Variants in PDE1C observed in about 807,000 individuals in gnomAD.
PDE1C encodes the protein dual specificity calcium/calmodulin-dependent 3',5'-cyclic nucleotide phosphodiesterase 1C.
PDE1C carries 62 observed loss-of-function variants against 93.1 expected under a neutral mutation model. The ratio of observed to expected loss-of-function variants is 0.67; its 90% CI spans 0.54 to 0.82. PDE1C has a LOEUF of 0.82. Ranked by LOEUF, PDE1C falls within the 40% of genes least tolerant of loss-of-function variation. The pLI is 0.00. For missense variants in PDE1C, 742 were observed against 884.6 expected, an observed-to-expected ratio of 0.84 and a Z score of 2.04; for synonymous variants, 325 against 310.1, an observed-to-expected ratio of 1.05 and a Z score of -0.50.
the PDE1C span, among the ~76,000 whole-genome samples, chr7:31,694,463 A>T: frequency 6.6e-6 from 1 of 151,776 alleles, no homozygotes; most frequent in Non-Finnish European, 1.5e-5. Flanking sequence ...AGAGAATATT[A>T]GTTTCTAGAA....
intron 2 of PDE1C, among the ~76,000 whole-genome samples, chr7:31,888,640 A>C (rs10238115): frequency 0.24 from 31,604 of 133,174 alleles, 4,787 homozygotes; most frequent in African/African-American, 0.47. Context: ...TCCATAAAAT[A>C]TTAATTTATC....
chr7:32,340,487 C>A lies in PDE1C; in HGVS notation c.310+87335G>T, dbSNP rs576277019. Among the ~76,000 whole-genome samples, 4 of 152,156 alleles carry A rather than the reference C, an allele frequency of 2.6e-5. No homozygotes were observed. The East Asian group carries it at 7.8e-4, about 29-fold the overall frequency. Reference sequence around the variant, plus strand: ...TGGGGTAGATAAAGGTGGAGTGGAACGCACAGCTATTTTTGTGAAGACTTT... The same window carrying A: ...TGGGGTAGATAAAGGTGGAGTGGAAAGCACAGCTATTTTTGTGAAGACTTT... On this transcript the variant is annotated intron_variant, in intron 1 of 1. Transcript: ENST00000672256.
rs566255203 is a variant in PDE1C, at chr7:32,137,253, C to T, written c.308+32532G>A. 2.0e-4 allele frequency among the ~76,000 whole-genome samples: 31 copies of T among 152,330 alleles called. No homozygotes were observed. The South Asian group carries it at 6.0e-3, about 30-fold the overall frequency. On this transcript the variant is annotated intron_variant, in intron 3 of 18. Transcript: ENST00000396193. Reference sequence around the variant, plus strand: ...ATGCATAGCAATCAATCACAGCAATCTAAAAATAGACCAAGATACACCCCA... The same window carrying T: ...ATGCATAGCAATCAATCACAGCAATTTAAAAATAGACCAAGATACACCCCA...
At chr7:32,046,179 G>A (rs1792529077) in intron 2 of PDE1C, among the ~76,000 whole-genome samples, 1 of 150,306 alleles carries the variant, frequency 6.7e-6, no homozygotes, top group African/African-American at 2.5e-5. Context: ...TCTTCCTAAT[G>A]TCTAGAATAT....
At chr7:32,402,967 G>A (rs559613340) in intron 1 of PDE1C, among the ~76,000 whole-genome samples, 2 of 152,298 alleles carry the variant, frequency 1.3e-5, no homozygotes, top group Admixed American at 6.5e-5. Context: ...GTGTTAGTGT[G>A]TGCCCTGCCT....
intron 2 of PDE1C, among the ~76,000 whole-genome samples, chr7:31,965,384 G>T (rs1336950573): frequency 6.6e-6 from 1 of 152,220 alleles, no homozygotes; most frequent in Admixed American, 6.5e-5. Context: ...TGAATGAAAT[G>T]TAGTGAGAAG....
chr7:32,326,192 C>T (rs1367167942), intron 1 of PDE1C, among the ~76,000 whole-genome samples: 1 of 152,172 alleles, frequency 6.6e-6, no homozygotes, highest in South Asian at 2.1e-4. Context: ...TTTGTACATG[C>T]TAAGGTCAAG....
At chr7:31,643,783 T>G in the PDE1C span, 1 of 1,613,980 alleles carries the variant, frequency 6.2e-7, no homozygotes, top group Non-Finnish European at 8.5e-7. Flanking sequence ...ACCTGCCCAC[T>G]GCTGCATCTG....
chr7:31,724,884 G>T, the PDE1C span, among the ~76,000 whole-genome samples: 107 of 152,278 alleles, frequency 7.0e-4, 1 homozygote, highest in African/African-American at 2.2e-3. Flanking sequence ...TTATATCGGT[G>T]AATTAGCACT....
intron 1 of PDE1C, among the ~76,000 whole-genome samples, chr7:32,285,111 G>A (rs1016355170): frequency 2.0e-5 from 3 of 152,022 alleles, no homozygotes; most frequent in Non-Finnish European, 2.9e-5. Context: ...TGGAATCTTC[G>A]GAGCATGGAG....
Position 31,951,900 on chromosome 7 carries a change from C to A in PDE1C, c.129-71040G>T, listed in dbSNP as rs989415730. Among the ~76,000 whole-genome samples, 14 of 152,128 alleles carry A rather than the reference C, an allele frequency of 9.2e-5. 1 individual carries two copies. Among genetic ancestry groups the A allele is most frequent in the Admixed American group, 2.6e-4 (4 of 15,270 alleles). ...CCCTTCCCTCTTCCACAAGGAGATA[C>A]CAGCTTACAGTTCCACTTGCCCCAC... is the stretch of plus-strand genomic sequence containing the variant. On this transcript the variant is annotated intron_variant, in intron 2 of 17. Coordinates refer to ENST00000396191, the MANE Select transcript of PDE1C (RefSeq NM_001191057.4).
chr7:31,947,269 G>C (rs1563080440), intron 2 of PDE1C, among the ~76,000 whole-genome samples: 2 of 152,296 alleles, frequency 1.3e-5, no homozygotes. Context: ...AGCTTGGAGA[G>C]TAATCCACTT....
intron 1 of PDE1C, among the ~76,000 whole-genome samples, chr7:32,369,672 G>A (rs1036622932): frequency 1.3e-5 from 2 of 152,178 alleles, no homozygotes; most frequent in African/African-American, 4.8e-5. Context: ...GTATATCAAA[G>A]AGACTTCTGT....
chr7:32,176,261 A>G (rs1006052743), intron 2 of PDE1C, among the ~76,000 whole-genome samples: 17 of 152,214 alleles, frequency 1.1e-4, no homozygotes, highest in Non-Finnish European at 2.1e-4. Context: ...ATAAGCTGAT[A>G]AGGAGTGATT....
intron 1 of PDE1C, among the ~76,000 whole-genome samples, chr7:32,404,325 C>A (rs189205907): frequency 2.0e-5 from 3 of 152,230 alleles, no homozygotes; most frequent in Non-Finnish European, 4.4e-5. Flanking sequence ...TGTTTAATTT[C>A]TACTACTTTT....
chr7:31,717,788 G>C, the PDE1C span, among the ~76,000 whole-genome samples: 1 of 151,974 alleles, frequency 6.6e-6, no homozygotes, highest in African/African-American at 2.4e-5. Flanking sequence ...AAGGATCTAG[G>C]GGTCTTTAGG....
rs1802314884 is a variant in PDE1C at position 32,166,857 on chromosome 7, T to C, written c.308+2928A>G. Among the ~76,000 whole-genome samples the C allele has an allele frequency of 3.3e-5, 5 of 152,178 alleles. No homozygotes were observed. In the South Asian group the frequency reaches 6.2e-4, roughly 19 times the overall value. On this transcript the variant is annotated intron_variant, in intron 3 of 18. Coordinates refer to the PDE1C transcript ENST00000396193. ...TTTTTATGTGAGTTTATAGATGATA[T>C]ACTTATTTGGGGTGGGGTGATAAAG...
chr7:31,973,768 G>GAC (rs1489098981), intron 2 of PDE1C, among the ~76,000 whole-genome samples: 1 of 152,090 alleles, frequency 6.6e-6, no homozygotes, highest in Non-Finnish European at 1.5e-5. Flanking sequence ...TTCAAACTCA[G>GAC]ACACTCTGGT....
intron 1 of PDE1C, among the ~76,000 whole-genome samples, chr7:32,343,611 T>A (rs534775556): frequency 1.2e-4 from 18 of 152,226 alleles, no homozygotes; most frequent in Non-Finnish European, 2.6e-4. Context: ...CAAGTGTTCA[T>A]CTTATTTGTA....
Sources: gnomAD v4.1 joint callset for allele counts (sites outside exome capture counted in the v4.1 genomes callset) on GRCh38, gnomAD v4.1.1 for gene constraint, MANE v1.5 for transcripts, NCBI Gene and HGNC (gene_info 2026-07-23, HGNC 2026-07-21) for gene names.